The following LUZP2 variants were observed in gnomAD, a reference collection of about 807,000 sequenced individuals.
LUZP2 encodes the protein leucine zipper protein 2.
In LUZP2, 52 loss-of-function variants were observed where a neutral mutation model predicts 51.6. The ratio of observed to expected loss-of-function variants is 1.01; its 90% CI spans 0.81 to 1.27. The LOEUF (loss-of-function observed/expected upper bound fraction) is 1.27. Ranked by LOEUF, LUZP2 falls within the 50% of genes most tolerant of loss-of-function variation. The pLI, the probability that LUZP2 is intolerant of heterozygous loss-of-function variation, is 0.00. For synonymous variants in LUZP2, 154 were observed against 137.3 expected, an observed-to-expected ratio of 1.12 and a Z score of -0.85; for missense variants, 436 against 395.4, an observed-to-expected ratio of 1.10 and a Z score of -0.87.
chr11:24,587,609 C>A (rs1379639257), intron 1 of LUZP2, among the ~76,000 whole-genome samples: 3 of 152,068 alleles, frequency 2.0e-5, no homozygotes, highest in African/African-American at 7.2e-5. Flanking sequence ...ATGAAGGTTA[C>A]TGGAAATTTT....
intron 9 of LUZP2, among the ~76,000 whole-genome samples, chr11:24,986,635 ACTG>A (rs1856196942): frequency 6.6e-6 from 1 of 151,416 alleles, no homozygotes; most frequent in African/African-American, 2.4e-5. Context: ...CATTTTTTCT[ACTG>A]CTATGTGGTA....
intron 10 of LUZP2, among the ~76,000 whole-genome samples, chr11:25,055,838 T>G (rs771628108): frequency 6.6e-6 from 1 of 152,162 alleles, no homozygotes; most frequent in African/African-American, 2.4e-5. Context: ...TATTTAACCC[T>G]TTTAAGACTG....
chr11:24,602,387 T>TATACACACAC (rs377367310), intron 1 of LUZP2, among the ~76,000 whole-genome samples: 2 of 129,516 alleles, frequency 1.5e-5, no homozygotes, highest in African/African-American at 5.7e-5. Flanking sequence ...TATATATATA[T>TATACACACAC]ACACACACAC....
At chr11:24,963,696 C>T (rs1029371380) in intron 7 of LUZP2, among the ~76,000 whole-genome samples, 2 of 152,160 alleles carry the variant, frequency 1.3e-5, no homozygotes, top group Admixed American at 1.3e-4. Context: ...GGAAAGGGAA[C>T]TCCTTGACCC....
intron 1 of LUZP2, among the ~76,000 whole-genome samples, chr11:24,720,716 G>A (rs1193041591): frequency 6.6e-6 from 1 of 152,074 alleles, no homozygotes; most frequent in Non-Finnish European, 1.5e-5. Context: ...GTTTTGTTTT[G>A]TTTTGAGACA....
intron 1 of LUZP2, among the ~76,000 whole-genome samples, chr11:24,566,336 T>TA (rs1554955944): frequency 1.9e-4 from 27 of 142,152 alleles, no homozygotes; most frequent in East Asian, 8.1e-4. Context: ...ATTTTTTTTT[T>TA]TTTTTTTTTT....
intron 5 of LUZP2, among the ~76,000 whole-genome samples, chr11:24,899,221 A>C (rs1853191996): frequency 6.6e-6 from 1 of 152,078 alleles, no homozygotes; most frequent in South Asian, 2.1e-4. Flanking sequence ...TTATAATTTT[A>C]TAATGGTTCG....
intron 1 of LUZP2, among the ~76,000 whole-genome samples, chr11:24,603,002 G>A (rs1224561812): frequency 6.6e-6 from 1 of 151,744 alleles, no homozygotes; most frequent in African/African-American, 2.4e-5. Flanking sequence ...GTTTCATAAT[G>A]TACACATGTT....
intron 1 of LUZP2, among the ~76,000 whole-genome samples, chr11:24,602,912 A>C (rs11028053): frequency 0.017 from 2,533 of 151,852 alleles, 74 homozygotes; most frequent in African/African-American, 0.057. Context: ...GAAAATTACT[A>C]TTATATGGCA....
chr11:24,636,682 C>T (rs746517521), intron 1 of LUZP2, among the ~76,000 whole-genome samples: 6 of 152,220 alleles, frequency 3.9e-5, no homozygotes, highest in African/African-American at 7.2e-5. Context: ...AGCCCACAAT[C>T]TTCACTTGCC....
intron 9 of LUZP2, among the ~76,000 whole-genome samples, chr11:24,989,208 T>A (rs1235540708): frequency 6.6e-6 from 1 of 152,004 alleles, no homozygotes; most frequent in East Asian, 1.9e-4. Context: ...GGGAATGGGC[T>A]ACCTTACTAG....
chr11:24,673,458 G>A (rs1174051583), intron 1 of LUZP2, among the ~76,000 whole-genome samples: 1 of 152,074 alleles, frequency 6.6e-6, no homozygotes, highest in African/African-American at 2.4e-5. Flanking sequence ...GTCCTTGCAG[G>A]GTGCAGGGGT....
chr11:25,018,814 G>T (rs1857242158), intron 9 of LUZP2, among the ~76,000 whole-genome samples: 1 of 151,922 alleles, frequency 6.6e-6, no homozygotes, highest in Admixed American at 6.6e-5. Flanking sequence ...TGCCATGTTG[G>T]CCAGGCTTGC....
chr11:24,955,778 C>A (rs1404032352), intron 7 of LUZP2, among the ~76,000 whole-genome samples: 3 of 151,944 alleles, frequency 2.0e-5, no homozygotes, highest in African/African-American at 7.3e-5. Context: ...AACTTAATGA[C>A]CTCTAAAGAT....
At chr11:25,023,486 A>G (rs1164907629) in intron 9 of LUZP2, among the ~76,000 whole-genome samples, 1 of 152,026 alleles carries the variant, frequency 6.6e-6, no homozygotes, top group Admixed American at 6.6e-5. Flanking sequence ...ATCAGTGTTG[A>G]TATCCCCTTT....
At chr11:24,560,658 T>C (rs1316864848) in intron 1 of LUZP2, among the ~76,000 whole-genome samples, 1 of 152,162 alleles carries the variant, frequency 6.6e-6, no homozygotes, top group African/African-American at 2.4e-5. Context: ...GGGTTCTCTT[T>C]TAAATAATTT....
At chr11:24,759,595 A>T (rs1311088829) in intron 4 of LUZP2, among the ~76,000 whole-genome samples, 2 of 152,172 alleles carry the variant, frequency 1.3e-5, no homozygotes, top group East Asian at 3.9e-4. Flanking sequence ...ATATATGGGG[A>T]TTTGGGGGAA....
rs145903990 is a variant in LUZP2, at chr11:24,973,533, C to T, written c.523-3058C>T. The stretch of plus-strand genomic sequence containing the variant: ...TCTAGTTCTTTAAGTTGTGTTGTCA[C>T]GTTGTTAATCTGAGATTCTTCTACT... On this transcript the variant is annotated intron_variant, in intron 7 of 11. Transcript: ENST00000336930. 1.0e-3 allele frequency among the ~76,000 whole-genome samples: 158 copies of T among 151,598 alleles called. 2 individuals are homozygous for T. Among genetic ancestry groups the T allele is most frequent in the Admixed American group, 6.5e-3 (99 of 15,190 alleles).
At chr11:24,796,491 CTGTGTGTGTGTGTGTGTG>C (rs57329413) in intron 5 of LUZP2, among the ~76,000 whole-genome samples, 2 of 124,616 alleles carry the variant, frequency 1.6e-5, no homozygotes, top group African/African-American at 2.9e-5. Context: ...TAATAATAAT[CTGTGTGTGTGTGTGTGTG>C]TGTGTGTGTG....
Sources: gnomAD v4.1 joint callset for allele counts (sites outside exome capture counted in the v4.1 genomes callset) on GRCh38, gnomAD v4.1.1 for gene constraint, MANE v1.5 for transcripts, NCBI Gene and HGNC (gene_info 2026-07-23, HGNC 2026-07-21) for gene names.